Variants in CHL1 observed in about 807,000 individuals in gnomAD.
CHL1 encodes the protein neural cell adhesion molecule L1-like protein.
A neutral mutation model predicts 141.9 loss-of-function variants in CHL1; 96 were observed. The ratio of observed to expected loss-of-function variants is 0.68; its 90% CI spans 0.57 to 0.80. The LOEUF is 0.80. CHL1 is among the 30% of genes least tolerant of loss of function. The pLI, the probability that CHL1 is intolerant of heterozygous loss-of-function variation, is 0.00. For missense variants in CHL1, 1,820 were observed against 1,457.2 expected (o/e 1.25, Z -4.05); for synonymous variants, 613 against 502.2 (o/e 1.22, Z -2.95).
chr3:286,417 C>T (rs1435191080), intron 2 of CHL1, among the ~76,000 whole-genome samples: 2 of 152,006 alleles, frequency 1.3e-5, no homozygotes, highest in Admixed American at 6.6e-5. Context: ...TCAAGACCAG[C>T]CTGGCCAACA....
At chr3:268,862 C>A (rs138151197) in intron 2 of CHL1, among the ~76,000 whole-genome samples, 2 of 152,128 alleles carry the variant, frequency 1.3e-5, no homozygotes, top group Admixed American at 1.3e-4. Context: ...TTCCAGTATT[C>A]GAGAATACAG....
At position 389,421 on chromosome 3, in the gene CHL1, A is replaced by G; in HGVS notation, c.2417A>G (p.Gln806Arg). ...PYDVKVQAIN[Q>R]LGSGPDPQSV... ...GATGTCAAGGTCCAGGCTATCAATC[A>G]ACTAGGATCTGGGCCTGACCCTCAG... The change falls in exon 20 of 28, where the codon CAA becomes CGA. Residue 806 changes from glutamine to arginine, a missense_variant. Physicochemically the swap from Gln to Arg is conservative, Grantham distance 43 (BLOSUM62 1). Coordinates refer to ENST00000256509, the MANE Select transcript of CHL1 (RefSeq NM_006614.4). The G allele has an allele frequency of 6.2e-7, 1 of 1,614,212 alleles. No homozygotes were observed. The highest frequency in any genetic ancestry group is 8.5e-7 in the Non-Finnish European group (1 of 1,180,038).
At chr3:281,410 C>T (rs188611915) in intron 2 of CHL1, among the ~76,000 whole-genome samples, 225 of 152,264 alleles carry the variant, frequency 1.5e-3, no homozygotes, top group Middle Eastern at 0.01. Context: ...CTATGATTTA[C>T]TATTGGTAAA....
Position 399,078 on chromosome 3 carries a change from G to C in CHL1, c.3315G>C (p.Ala1105=), listed in dbSNP as rs377087372. 1 of 1,607,374 alleles carries C rather than the reference G, an allele frequency of 6.2e-7. No homozygotes were observed. The highest frequency in any genetic ancestry group is 2.2e-5 in the East Asian group (1 of 44,820). ...TQGWFIGLMC[A]IALLTLLLLT... is the part of the protein sequence containing the mutation. ...GCTGGTTTATTGGACTGATGTGTGCGATTGCTCTTCTCACACTACTATTAT... is the reference window on the plus strand; with the variant it reads ...GCTGGTTTATTGGACTGATGTGTGCCATTGCTCTTCTCACACTACTATTAT... The change falls in exon 26 of 28, where the codon GCG becomes GCC. Residue 1105 remains alanine (A), a synonymous_variant. Transcript: ENST00000256509.
intron 2 of CHL1, among the ~76,000 whole-genome samples, chr3:272,229 C>T (rs886451094): frequency 6.6e-6 from 1 of 152,100 alleles, no homozygotes; most frequent in African/African-American, 2.4e-5. Context: ...TGTAGCAATG[C>T]CAAAAATATT....
intron 3 of CHL1, among the ~76,000 whole-genome samples, chr3:322,645 A>AAT (rs4002786): frequency 0.1 from 13,103 of 129,936 alleles, 811 homozygotes; most frequent in Non-Finnish European, 0.15. Context: ...ATATATATAA[A>AAT]ATATATATAT....
chr3:307,864 C>A (rs772963781), intron 2 of CHL1, among the ~76,000 whole-genome samples: 27 of 152,172 alleles, frequency 1.8e-4, no homozygotes, highest in Admixed American at 3.9e-4. Flanking sequence ...CATTAAAATT[C>A]AGTAGCCTCT....
At chr3:358,931 C>T (rs1422047061) in intron 11 of CHL1, among the ~76,000 whole-genome samples, 1 of 148,488 alleles carries the variant, frequency 6.7e-6, no homozygotes, top group Non-Finnish European at 1.5e-5. Flanking sequence ...TTCCAGCTAA[C>T]ATGTTTTCCT....
At chr3:395,355 CA>C (rs1300169401) in intron 24 of CHL1, among the ~76,000 whole-genome samples, 8 of 152,176 alleles carry the variant, frequency 5.3e-5, no homozygotes, top group African/African-American at 1.9e-4. Context: ...GGATGCCAAG[CA>C]ACTGTCTGGG....
chr3:406,714 G>T lies in CHL1; in HGVS notation c.*1003G>T, dbSNP rs1272362509. 6.6e-6 allele frequency: 1 copy of T among 152,096 alleles called. No homozygotes were observed. Among genetic ancestry groups the T allele is most frequent in the Non-Finnish European group, 1.5e-5 (1 of 68,002 alleles). 9.4% of individuals were successfully genotyped at this position (152,096 alleles called of 1,614,324 possible). ...TTGTACAGCTAGAATATATTAGTAA[G>T]ATACTGTTTTTCGTCATTCCAGAGC... On this transcript the variant is annotated 3_prime_UTR_variant, in exon 28 of 28. Transcript: ENST00000256509.
chr3:234,993 C>T (rs59975882), intron 1 of CHL1, among the ~76,000 whole-genome samples: 6 of 148,360 alleles, frequency 4.0e-5, no homozygotes, highest in Non-Finnish European at 7.5e-5. Flanking sequence ...TTTTTTATTA[C>T]TATTATTATT....
At chr3:400,521 A>G (rs1282685294) in intron 26 of CHL1, among the ~76,000 whole-genome samples, 2 of 151,908 alleles carry the variant, frequency 1.3e-5, no homozygotes, top group African/African-American at 2.4e-5. Flanking sequence ...AGCAACTAAG[A>G]GAATCTACTA....
At chr3:360,231 A>C in intron 11 of CHL1, 53 bp from the exon 12 acceptor site, 2 of 1,589,784 alleles carry the variant, frequency 1.3e-6, no homozygotes, top group Non-Finnish European at 1.7e-6. Flanking sequence ...AATGGTGTAT[A>C]AATATTTTAT....
rs768116965 is a variant in CHL1, at chr3:391,805, G to A, written c.2914+8G>A. ...TTTTGCAATATCAGATAAGTAAGTA[G>A]AAATTTGAATTGGAGTTAACTTGTT... is the stretch of plus-strand genomic sequence containing the variant. On this transcript the variant is annotated splice_region_variant and intron_variant, in intron 23 of 27. Transcript: ENST00000256509. 7.6e-6 allele frequency: 12 copies of A among 1,575,772 alleles called. No homozygotes were observed. In the South Asian group the frequency reaches 1.1e-4, roughly 14 times the overall value.
chr3:201,856 T>C (rs1559261436), intron 1 of CHL1, among the ~76,000 whole-genome samples: 1 of 152,218 alleles, frequency 6.6e-6, no homozygotes, highest in Non-Finnish European at 1.5e-5. Flanking sequence ...GATTCACCTC[T>C]TCCTAACTCC....
chr3:391,950 G>C (rs1708263249), intron 23 of CHL1, among the ~76,000 whole-genome samples, 153 bp downstream of exon 23: 1 of 152,194 alleles, frequency 6.6e-6, no homozygotes, highest in South Asian at 2.1e-4. Flanking sequence ...AAACTGGCTT[G>C]CAGGCCAAAT....
At chr3:206,138 G>C (rs1160134157) in intron 1 of CHL1, among the ~76,000 whole-genome samples, 1 of 152,172 alleles carries the variant, frequency 6.6e-6, no homozygotes, top group Non-Finnish European at 1.5e-5. Flanking sequence ...AGATGATAAT[G>C]CATACCTATT....
intron 5 of CHL1, among the ~76,000 whole-genome samples, chr3:334,629 G>T (rs1701716317): frequency 2.0e-5 from 3 of 152,152 alleles, no homozygotes; most frequent in Admixed American, 2.0e-4. Flanking sequence ...CTATATTGCT[G>T]AAGAGTATTT....
chr3:234,850 C>A (rs1431817532), intron 1 of CHL1, among the ~76,000 whole-genome samples: 2 of 152,028 alleles, frequency 1.3e-5, no homozygotes, highest in African/African-American at 4.8e-5. Flanking sequence ...AAACAAAGAC[C>A]CTTTGTACAA....
Sources: gnomAD v4.1 joint callset for allele counts (sites outside exome capture counted in the v4.1 genomes callset) on GRCh38, gnomAD v4.1.1 for gene constraint, MANE v1.5 for transcripts, NCBI Gene and HGNC (gene_info 2026-07-23, HGNC 2026-07-21) for gene names.